Variants in MUC6 observed in about 807,000 individuals in gnomAD.
MUC6 encodes the protein mucin-6.
Under a neutral mutation model 201.5 loss-of-function variants are expected in MUC6, and 188 were observed. The observed-to-expected ratio is 0.93, with a 90% CI of 0.83 to 1.05. The LOEUF (loss-of-function observed/expected upper bound fraction) is 1.05, where lower values mean the gene tolerates loss of function less well. Ranked by LOEUF, MUC6 falls within the 50% of genes least tolerant of loss-of-function variation. MUC6 has a pLI of 0.00. For missense variants in MUC6, 2,706 were observed against 3,256.9 expected, an observed-to-expected ratio of 0.83 and a Z score of 4.12; for synonymous variants, 1,228 against 1,389.4, an observed-to-expected ratio of 0.88 and a Z score of 2.58.
At chr11:1,023,741 G>C in intron 25 of MUC6, 89 bp from the exon 26 acceptor site, 1 of 1,543,978 alleles carries the variant, frequency 6.5e-7, no homozygotes, top group Non-Finnish European at 8.8e-7. Flanking sequence ...CATGGAACCT[G>C]AGTGTGGGCG....
intron 29 of MUC6, 94 bp from the exon 30 acceptor site, chr11:1,019,590 G>T: frequency 8.5e-7 from 1 of 1,180,118 alleles, no homozygotes; most frequent in Non-Finnish European, 1.2e-6. Context: ...TGGGATCCCT[G>T]GCCTGCTGTC....
At chr11:1,035,718 C>T (rs1416019086) in intron 1 of MUC6, among the ~76,000 whole-genome samples, 2 of 152,122 alleles carry the variant, frequency 1.3e-5, no homozygotes, top group Admixed American at 6.5e-5. Flanking sequence ...GAGCCCGAGG[C>T]GCCCAGGTTG....
rs776399129 is a variant in MUC6, at chr11:1,025,235, G to A, written c.2932C>T (p.Leu978Phe). 2 of 1,612,686 alleles carry A rather than the reference G, an allele frequency of 1.2e-6. No homozygotes were observed. The highest frequency in any genetic ancestry group is 1.3e-5 in the African/African-American group (1 of 74,940). ...ATGGTCATGTGCCTGTTCCAGATGA[G>A]CGTCAGGTTGTACCTCCCGGGGATG... ...ISIPGRYNLT[L>F]IWNRHMTILI... is the part of the protein sequence containing the mutation. The change falls in exon 23 of 33, where the codon CTC becomes TTC. Residue 978 changes from leucine to phenylalanine, a missense_variant. Leu to Phe is a conservative substitution (Grantham distance 22). This residue lies in a region of MUC6 where 1,850 missense variants were observed against 1,958.3 expected (regional missense o/e 0.94). Transcript: ENST00000421673.
In MUC6 at chr11:1,025,448, G is replaced by A. The variant is rs141468047; in HGVS notation, c.2800-81C>T. ...AGCCGTGCTGGACCGAGCTCTCAGAGACAGAGCTGCCCAGGTCTGTTAAGG... is the reference window on the plus strand; with the variant it reads ...AGCCGTGCTGGACCGAGCTCTCAGAAACAGAGCTGCCCAGGTCTGTTAAGG... On this transcript the variant is annotated intron_variant, in intron 22 of 32. Transcript: ENST00000421673. The A allele has an allele frequency of 6.0e-4, 896 of 1,501,728 alleles. 5 individuals carry two copies. In the African/African-American group the frequency reaches 0.011, roughly 19 times the overall value. 93.0% of individuals were successfully genotyped at this position (1,501,728 alleles called of 1,614,324 possible).
intron 24 of MUC6, among the ~76,000 whole-genome samples, chr11:1,024,370 T>C (rs1435516754): frequency 6.6e-6 from 1 of 152,200 alleles, no homozygotes; most frequent in East Asian, 1.9e-4. Context: ...GCCACTGCAG[T>C]CCCACCCAGG....
chr11:1,023,187 GTGAC>G (rs561048054), intron 26 of MUC6, among the ~76,000 whole-genome samples: 52 of 152,168 alleles, frequency 3.4e-4, no homozygotes, highest in Non-Finnish European at 5.9e-4. Context: ...CTGCGGGAAT[GTGAC>G]TGCGTGAATG....
chr11:1,019,558 TC>T, intron 29 of MUC6, 62 bp from the exon 30 acceptor site: 1 of 1,467,776 alleles, frequency 6.8e-7, no homozygotes, highest in Non-Finnish European at 9.5e-7. Flanking sequence ...AAGGCTTGTG[TC>T]CCAGCCCCCT....
At chr11:1,035,861 G>A (rs1001193609) in intron 1 of MUC6, among the ~76,000 whole-genome samples, 1 of 152,174 alleles carries the variant, frequency 6.6e-6, no homozygotes, top group Non-Finnish European at 1.5e-5. Flanking sequence ...TGGTGCCTTG[G>A]TCGGCAAGAG....
rs936135282 is a variant in MUC6, at chr11:1,013,291, C to T, written c.*165G>A. 7.5e-6 allele frequency: 5 copies of T among 664,126 alleles called. No individual in the cohort carries two copies. The highest frequency in any genetic ancestry group is 1.3e-5 in the Non-Finnish European group (5 of 397,612). 41.1% of individuals were successfully genotyped at this position (664,126 alleles called of 1,614,324 possible). ...GGTAGTCTGAGCCCCTGCTTGGCAG[C>T]CCCTCTCCAACCGGTGCCCCAGGGA... On this transcript the variant is annotated 3_prime_UTR_variant, in exon 33 of 33. Transcript: ENST00000421673.
intron 2 of MUC6, 72 bp downstream of exon 2, chr11:1,032,941 C>T (rs866320705): frequency 3.5e-6 from 5 of 1,412,478 alleles, no homozygotes; most frequent in Non-Finnish European, 4.8e-6. Context: ...GACCTGGGCT[C>T]CGGGCCCCTC....
Position 1,033,213 on chromosome 11 carries a change from C to G in MUC6, c.53-138G>C, listed in dbSNP as rs779276773. 1 of 801,790 alleles carries G rather than the reference C, an allele frequency of 1.2e-6. No homozygotes were observed. Among genetic ancestry groups the G allele is most frequent in the Non-Finnish European group, 2.1e-6 (1 of 481,598 alleles). 49.7% of individuals were successfully genotyped at this position (801,790 alleles called of 1,614,324 possible). A position where few individuals can be genotyped will look rare whatever the true frequency, so the allele number is the denominator to read the frequency against. ...AGAAGTGTCCATGGCCCGTGGGGCT[C>G]GAGGCCTCAACAGCAAGCCAAGCGC... is the stretch of plus-strand genomic sequence containing the variant. On this transcript the variant is annotated intron_variant, in intron 1 of 32. Coordinates refer to ENST00000421673, the MANE Select transcript of MUC6 (RefSeq NM_005961.3). This position sits in a 1 kb window ranked among gnomAD's most constrained non-coding sequence, Gnocchi z 5.6.
At chr11:1,028,129 C>A in intron 14 of MUC6, 70 bp from the exon 15 acceptor site, 2 of 1,535,364 alleles carry the variant, frequency 1.3e-6, no homozygotes, top group Non-Finnish European at 1.8e-6. Flanking sequence ...CCAGGGACCC[C>A]CCACCCTGGC....
At chr11:1,014,082 G>T (rs1282951308) in intron 31 of MUC6, 81 bp from the exon 32 acceptor site, 2 of 1,196,246 alleles carry the variant, frequency 1.7e-6, no homozygotes, top group African/African-American at 1.5e-5. Context: ...AGAGACCGGG[G>T]TCCCCACCTG....
intron 30 of MUC6, 137 bp from the exon 31 acceptor site, chr11:1,018,907 C>T (rs994240082): frequency 3.5e-6 from 4 of 1,151,766 alleles, no homozygotes; most frequent in Admixed American, 5.6e-5. Flanking sequence ...CCCTGCTGGG[C>T]ACTCCAGCCT....
In MUC6 at chr11:1,013,409, C is replaced by CTT. The variant is rs1293596372; in HGVS notation, c.*46_*47insAA. On this transcript the variant is annotated 3_prime_UTR_variant, in exon 33 of 33. Coordinates refer to ENST00000421673, the MANE Select transcript of MUC6 (RefSeq NM_005961.3). ...AGGGGGCTGGTGGGTGTTTTCCTGT[C>CTT]TGTCATCTGCAGTCCTTCAGCCCCA... The CTT allele has an allele frequency of 1.3e-6, 2 of 1,507,132 alleles. No homozygotes were observed. Among genetic ancestry groups the CTT allele is most frequent in the South Asian group, 2.5e-5 (2 of 79,386 alleles). The allele number at this position is 1,507,132 out of a possible 1,614,324, so 93.4% of individuals were successfully genotyped here.
In MUC6 at chr11:1,018,560, CTCCCCGCCGTA is replaced by C. The variant is rs781205631; in HGVS notation, c.4230_4240del (p.Thr1411SerfsTer26). On this transcript the variant is annotated frameshift_variant, in exon 31 of 33. Transcript: ENST00000421673. LOFTEE classifies it high-confidence loss of function. The stretch of plus-strand genomic sequence containing the variant: ...GACAGGACCTGTGGAAGGGACGGGA[CTCCCCGCCGTA>C]GGCGGGGAGTGTGTGGTGTGTGGGG... 5 of 1,599,228 alleles carry C rather than the reference CTCCCCGCCGTA, an allele frequency of 3.1e-6. No homozygotes were observed. Among genetic ancestry groups the C allele is most frequent in the South Asian group, 2.2e-5 (2 of 89,866 alleles).
At chr11:1,021,352 G>A (rs1856802281) in intron 26 of MUC6, 75 bp from the exon 27 acceptor site, 3 of 968,996 alleles carry the variant, frequency 3.1e-6, no homozygotes, top group Non-Finnish European at 4.3e-6. Flanking sequence ...TGCCCTGGCG[G>A]CCTCCTTCCT....
At position 1,019,271 on chromosome 11, in the gene MUC6, T is replaced by A. The variant is rs958216140; in HGVS notation, c.4030+4A>T. The stretch of plus-strand genomic sequence containing the variant: ...TGCTGGCATCCCATGGCGCCATGAC[T>A]TACGCAGCGTGGGGCTTGTCCCTGA... On this transcript the variant is annotated splice_donor_region_variant and intron_variant, in intron 30 of 32. Transcript: ENST00000421673. 5 of 1,613,908 alleles carry A rather than the reference T, an allele frequency of 3.1e-6. No individual in the cohort carries two copies. Among genetic ancestry groups the A allele is most frequent in the Non-Finnish European group, 4.2e-6 (5 of 1,179,806 alleles).
Position 1,018,698 on chromosome 11 carries a change from C to T in MUC6, c.4103G>A (p.Ser1368Asn), listed in dbSNP as rs749545466. The T allele has an allele frequency of 4.4e-6, 7 of 1,607,574 alleles. No individual in the cohort carries two copies. Among genetic ancestry groups the T allele is most frequent in the East Asian group, 2.2e-5 (1 of 44,778 alleles). The change falls in exon 31 of 33, where the codon AGC becomes AAC. Residue 1368 changes from serine (S) to asparagine (N), a missense_variant. Ser to Asn is a conservative substitution (Grantham distance 46). Transcript: ENST00000421673. ...CTGTGGGGTGGTTGGGCCTGTGGTG[C>T]TTGCTGGGGTTGGACGTGGGCCTGT... The part of the protein sequence containing the change: ...QTTGPRPTPA[S>N]TTGPTTPQPG...
Sources: allele counts gnomAD v4.1 joint callset (sites outside exome capture counted in the v4.1 genomes callset), GRCh38; gene constraint gnomAD v4.1.1; regional missense constraint gnomAD v4.1.1; non-coding constraint Gnocchi (gnomAD v3.1); transcripts MANE v1.5; gene names NCBI Gene and HGNC (gene_info 2026-07-23, HGNC 2026-07-21).